The following SCAI variants were observed in gnomAD, a reference collection of about 807,000 sequenced individuals.
The protein encoded by SCAI is suppressor of cancer cell invasion, also known as protein SCAI.
SCAI carries 24 observed loss-of-function variants against 92.2 expected under a neutral mutation model. The observed-to-expected ratio is 0.26, with a 90% CI of 0.19 to 0.37. The LOEUF (loss-of-function observed/expected upper bound fraction) is 0.37. SCAI is among the 10% of genes least tolerant of loss of function. The probability of loss-of-function intolerance (pLI) is 1.00; values close to 1 mark genes in which losing one functional copy is unlikely to be tolerated. For missense variants in SCAI, 450 were observed against 736.2 expected, an observed-to-expected ratio of 0.61 and a Z score of 4.50; for synonymous variants, 261 against 258.6, an observed-to-expected ratio of 1.01 and a Z score of -0.09.
intron 2 of SCAI, among the ~76,000 whole-genome samples, chr9:125,058,700 C>T (rs1833718730): frequency 6.6e-6 from 1 of 152,104 alleles, no homozygotes; most frequent in South Asian, 2.1e-4. Flanking sequence ...GTTTCTAGCA[C>T]CTAACACTTG....
At chr9:125,097,160 C>G (rs958740217) in intron 2 of SCAI, among the ~76,000 whole-genome samples, 14 of 152,064 alleles carry the variant, frequency 9.2e-5, no homozygotes, top group Non-Finnish European at 1.5e-5. Context: ...TAGCTGGGCG[C>G]GGTGGCTCAC....
intron 17 of SCAI, chr9:124,968,731 G>A (rs1831592037): frequency 1.0e-5 from 14 of 1,359,260 alleles, no homozygotes; most frequent in South Asian, 5.8e-5. Flanking sequence ...TTGACATTCC[G>A]AATCTGGTTG....
chr9:125,074,513 C>T (rs1834048187), intron 2 of SCAI, among the ~76,000 whole-genome samples: 1 of 150,056 alleles, frequency 6.7e-6, no homozygotes, highest in African/African-American at 2.4e-5. Context: ...CCACCTCGGC[C>T]TCCCAAAGTG....
chr9:124,983,649 G>A (rs754869495), intron 14 of SCAI, among the ~76,000 whole-genome samples: 10 of 152,218 alleles, frequency 6.6e-5, no homozygotes, highest in South Asian at 2.1e-4. Flanking sequence ...CACCGTGCCC[G>A]GCCTAGAGCT....
intron 2 of SCAI, among the ~76,000 whole-genome samples, chr9:125,068,796 T>A (rs1833918810): frequency 6.6e-6 from 1 of 152,126 alleles, no homozygotes; most frequent in African/African-American, 2.4e-5. Context: ...ATATATAATA[T>A]CACCATCGTT....
chr9:125,004,041 T>A (rs1832420467), intron 9 of SCAI, among the ~76,000 whole-genome samples: 1 of 151,970 alleles, frequency 6.6e-6, no homozygotes, highest in Non-Finnish European at 1.5e-5. Flanking sequence ...CCGGGTGTGG[T>A]GGTGGATGCC....
chr9:125,129,454 CTTTTTTTTT>C (rs1171739834), intron 2 of SCAI, among the ~76,000 whole-genome samples: 5 of 67,558 alleles, frequency 7.4e-5, no homozygotes, highest in Non-Finnish European at 1.1e-4. Context: ...ATTAGAATTT[CTTTTTTTTT>C]TTTTTTTTTT....
chr9:125,079,496 A>G (rs1339494111), intron 2 of SCAI, among the ~76,000 whole-genome samples: 1 of 152,180 alleles, frequency 6.6e-6, no homozygotes, highest in Non-Finnish European at 1.5e-5. Flanking sequence ...TTTGCTTCTT[A>G]GTAAATAATT....
At chr9:125,079,357 G>C (rs1834160311) in intron 2 of SCAI, among the ~76,000 whole-genome samples, 1 of 152,096 alleles carries the variant, frequency 6.6e-6, no homozygotes, top group Non-Finnish European at 1.5e-5. Context: ...TAAATTGTGA[G>C]CCTTTTTATT....
intron 6 of SCAI, among the ~76,000 whole-genome samples, chr9:125,021,603 A>G (rs1359871399): frequency 1.3e-5 from 2 of 152,168 alleles, no homozygotes; most frequent in African/African-American, 4.8e-5. Flanking sequence ...CCAATCATCA[A>G]TTCAAACCTG....
chr9:124,994,167 T>C (rs758261674), intron 14 of SCAI, among the ~76,000 whole-genome samples: 7 of 152,002 alleles, frequency 4.6e-5, no homozygotes, highest in Non-Finnish European at 7.4e-5. Flanking sequence ...CCCAAGTAGC[T>C]GGGATTACAG....
chr9:125,021,656 C>T (rs191059250), intron 6 of SCAI, among the ~76,000 whole-genome samples: 1 of 152,264 alleles, frequency 6.6e-6, no homozygotes, highest in East Asian at 1.9e-4. Flanking sequence ...CAAATAATAG[C>T]CTTACAACAG....
At chr9:125,143,340 G>GC in intron 1 of SCAI, 45 bp downstream of exon 1, 3 of 1,200,098 alleles carry the variant, frequency 2.5e-6, no homozygotes, top group Non-Finnish European at 3.2e-6. Flanking sequence ...CCGCTCCCTG[G>GC]CCCCCACCCC....
rs35804136 is a variant in SCAI, at chr9:124,957,680, ATT to A, written c.1675-4729_1675-4728del. Among the ~76,000 whole-genome samples the A allele has an allele frequency of 1.6e-3, 209 of 129,612 alleles. 3 individuals are homozygous for A. The highest frequency in any genetic ancestry group is 5.2e-3 in the African/African-American group (187 of 35,756). The allele number at this position is 129,612 out of a possible 152,430, so 85.0% of individuals were successfully genotyped here. Reference sequence around the variant, plus strand: ...GTACCGCGCCTGGCCAAATAATACAATTTTTTTTTTTTTTTTAAAAAGACGGA... The same window carrying A: ...GTACCGCGCCTGGCCAAATAATACAATTTTTTTTTTTTTTAAAAAGACGGA... On this transcript the variant is annotated intron_variant, in intron 17 of 17. Coordinates refer to ENST00000336505, the MANE Select transcript of SCAI (RefSeq NM_001144877.3).
At chr9:124,955,545 C>T (rs1212097696) in intron 17 of SCAI, among the ~76,000 whole-genome samples, 1 of 151,762 alleles carries the variant, frequency 6.6e-6, no homozygotes, top group African/African-American at 2.4e-5. Flanking sequence ...TGCTTGAACC[C>T]GGGAGGCAGA....
chr9:124,975,439 A>C (rs906683516), intron 15 of SCAI: 1 of 445,900 alleles, frequency 2.2e-6, no homozygotes, highest in East Asian at 7.2e-5. Context: ...CTGCTAAAAC[A>C]GTGTTAAGGT....
intron 9 of SCAI, among the ~76,000 whole-genome samples, chr9:125,017,888 T>C (rs1445789809): frequency 6.6e-6 from 1 of 151,592 alleles, no homozygotes; most frequent in Non-Finnish European, 1.5e-5. Flanking sequence ...GTGCCTGTAA[T>C]CCCAGCTACT....
chr9:125,032,196 T>TATATATATATA (rs1491338051), intron 3 of SCAI, among the ~76,000 whole-genome samples: 6 of 65,566 alleles, frequency 9.2e-5, no homozygotes, highest in East Asian at 6.3e-4. Flanking sequence ...TATATATATA[T>TATATATATATA]TTTTTTTTTT....
At chr9:125,005,251 AAAG>A (rs1239376894) in intron 9 of SCAI, among the ~76,000 whole-genome samples, 1 of 152,220 alleles carries the variant, frequency 6.6e-6, no homozygotes, top group Non-Finnish European at 1.5e-5. Context: ...CTATCAAATA[AAAG>A]AAGAGGAATT....
Sources: allele counts gnomAD v4.1 joint callset (sites outside exome capture counted in the v4.1 genomes callset), GRCh38; gene constraint gnomAD v4.1.1; transcripts MANE v1.5; gene names NCBI Gene and HGNC (gene_info 2026-07-23, HGNC 2026-07-21).